The following TP63 variants were observed in gnomAD, a reference collection of about 807,000 sequenced individuals.
TP63 encodes the protein tumor protein 63.
In TP63, 17 loss-of-function variants were observed where a neutral mutation model predicts 82.8. The observed-to-expected ratio is 0.21, with a 90% CI of 0.14 to 0.31. The LOEUF (loss-of-function observed/expected upper bound fraction) is 0.31, where lower values mean the gene tolerates loss of function less well. TP63 is among the 10% of genes least tolerant of loss of function. The pLI is 1.00. For missense variants in TP63, 648 were observed against 895.3 expected, an observed-to-expected ratio of 0.72 and a Z score of 3.52; for synonymous variants, 330 against 321.7, an observed-to-expected ratio of 1.03 and a Z score of -0.28.
At chr3:189,716,848 T>G (rs6444393) in intron 1 of TP63, among the ~76,000 whole-genome samples, 139,681 of 151,782 alleles carry the variant, frequency 0.92, 64,770 homozygotes, top group South Asian at 0.98. Flanking sequence ...ACCCAGGCTG[T>G]AGTGCAGTGG....
At chr3:189,644,351 A>C (rs139905185) in intron 1 of TP63, among the ~76,000 whole-genome samples, 132 of 151,638 alleles carry the variant, frequency 8.7e-4, no homozygotes, top group Admixed American at 1.1e-3. Flanking sequence ...CCCTGTGAAA[A>C]TTTATTCCCT....
chr3:189,613,351 C>T, the TP63 span, among the ~76,000 whole-genome samples: 2 of 152,196 alleles, frequency 1.3e-5, no homozygotes, highest in African/African-American at 4.8e-5. Context: ...AAGCCCCAAG[C>T]CTTGGCAGCT....
intron 1 of TP63, among the ~76,000 whole-genome samples, chr3:189,653,101 A>G (rs1340867871): frequency 8.3e-6 from 1 of 119,790 alleles, no homozygotes; most frequent in Non-Finnish European, 1.7e-5. Context: ...TAAGTATGGC[A>G]TCGCAGAAAA....
chr3:189,670,134 C>T (rs560894809), intron 1 of TP63, among the ~76,000 whole-genome samples: 10 of 151,926 alleles, frequency 6.6e-5, no homozygotes, highest in Non-Finnish European at 1.3e-4. Context: ...AAATAACAAG[C>T]CTGAATGTGT....
chr3:189,819,625 C>G (rs545807688), intron 4 of TP63, among the ~76,000 whole-genome samples: 1 of 152,150 alleles, frequency 6.6e-6, no homozygotes, highest in African/African-American at 2.4e-5. Flanking sequence ...ATTTTTAATA[C>G]TGCTTAAGTC....
intron 3 of TP63, among the ~76,000 whole-genome samples, chr3:189,758,328 A>G (rs1722337278): frequency 6.6e-6 from 1 of 152,178 alleles, no homozygotes; most frequent in Non-Finnish European, 1.5e-5. Context: ...CCAGTTCCTA[A>G]CAGGTCACAT....
At chr3:189,606,666 G>A in the TP63 span, among the ~76,000 whole-genome samples, 1 of 151,650 alleles carries the variant, frequency 6.6e-6, no homozygotes, top group Non-Finnish European at 1.5e-5. Flanking sequence ...GCTAATTTTT[G>A]TAATTTTAGT....
chr3:189,639,483 T>G (rs946320508), intron 1 of TP63, among the ~76,000 whole-genome samples: 2 of 152,154 alleles, frequency 1.3e-5, no homozygotes, highest in African/African-American at 4.8e-5. Flanking sequence ...ATTAGATTAT[T>G]TGAAGTTCAG....
chr3:189,806,003 T>C (rs973538707), intron 3 of TP63, among the ~76,000 whole-genome samples: 1 of 150,642 alleles, frequency 6.6e-6, no homozygotes, highest in Non-Finnish European at 1.5e-5. Context: ...GATCTCCTGC[T>C]GTTCAGAACC....
At chr3:189,679,765 GT>G in intron 1 of TP63, among the ~76,000 whole-genome samples, 1 of 152,140 alleles carries the variant, frequency 6.6e-6, no homozygotes, top group East Asian at 1.9e-4. Context: ...ACAGCTCCAG[GT>G]TTTATGTAAA....
intron 3 of TP63, among the ~76,000 whole-genome samples, chr3:189,802,740 C>T (rs1320060804): frequency 6.6e-6 from 1 of 152,176 alleles, no homozygotes; most frequent in African/African-American, 2.4e-5. Flanking sequence ...GTTCAATCCC[C>T]TAGCCTCATC....
upstream of TP63, among the ~76,000 whole-genome samples, chr3:189,626,464 G>C (rs1560068882): frequency 2.0e-5 from 3 of 152,132 alleles, no homozygotes; most frequent in South Asian, 6.2e-4. Context: ...CTGACACAAA[G>C]GAATTCAGTT....
chr3:189,805,852 A>G (rs1264319739), intron 3 of TP63, among the ~76,000 whole-genome samples: 1 of 152,144 alleles, frequency 6.6e-6, no homozygotes, highest in Non-Finnish European at 1.5e-5. Context: ...GACTGAGGAA[A>G]TGTTGCCTCA....
chr3:189,841,944 T>A (rs1416093977), intron 4 of TP63, among the ~76,000 whole-genome samples: 1 of 152,080 alleles, frequency 6.6e-6, no homozygotes, highest in South Asian at 2.1e-4. Flanking sequence ...GAGCTCTAGG[T>A]AGGGCTATCG....
intron 4 of TP63, among the ~76,000 whole-genome samples, chr3:189,862,869 C>G (rs535620114): frequency 2.1e-4 from 32 of 152,190 alleles, no homozygotes; most frequent in Non-Finnish European, 4.0e-4. Flanking sequence ...TTTGCTGCGT[C>G]TAATCCATGG....
intron 3 of TP63, among the ~76,000 whole-genome samples, chr3:189,798,938 A>G (rs1725999495): frequency 6.6e-6 from 1 of 152,090 alleles, no homozygotes; most frequent in African/African-American, 2.4e-5. Flanking sequence ...TCTAATTGCA[A>G]AGTAATCACT....
chr3:189,698,518 A>T (rs1005465365), intron 1 of TP63, among the ~76,000 whole-genome samples: 12 of 152,130 alleles, frequency 7.9e-5, no homozygotes, highest in Non-Finnish European at 1.8e-4. Context: ...CTAAAGCCAG[A>T]ATGCCTGTGT....
intron 3 of TP63, among the ~76,000 whole-genome samples, chr3:189,739,154 C>G (rs1720802599): frequency 6.6e-6 from 1 of 152,158 alleles, no homozygotes. Flanking sequence ...CTTACTCTGT[C>G]ACCCAGGCTG....
intron 3 of TP63, among the ~76,000 whole-genome samples, chr3:189,800,997 A>G (rs1313032373): frequency 6.6e-6 from 1 of 152,054 alleles, no homozygotes; most frequent in Non-Finnish European, 1.5e-5. Flanking sequence ...ACGAAAGCTT[A>G]TTTTCTGTGA....
Sources: gnomAD v4.1 joint callset for allele counts (sites outside exome capture counted in the v4.1 genomes callset) on GRCh38, gnomAD v4.1.1 for gene constraint, MANE v1.5 for transcripts, NCBI Gene and HGNC (gene_info 2026-07-23, HGNC 2026-07-21) for gene names.